Variants in CELF2 observed in about 807,000 individuals in gnomAD.
The protein encoded by CELF2 is CUGBP Elav-like family member 2, also known as CUG triplet repeat RNA-binding protein 2.
CELF2 carries 8 observed loss-of-function variants against 62.6 expected under a neutral mutation model. The observed-to-expected ratio is 0.13, with a 90% confidence interval of 0.07 to 0.23. The LOEUF (loss-of-function observed/expected upper bound fraction) is 0.23, where lower values mean the gene tolerates loss of function less well. Ranked by LOEUF, CELF2 falls within the 10% of genes least tolerant of loss-of-function variation. The pLI is 1.00. For synonymous variants in CELF2, 258 were observed against 250.0 expected (o/e 1.03, Z -0.30); for missense variants, 333 against 671.0 (o/e 0.50, Z 5.56).
chr10:10,689,585 A>G, the CELF2 span, among the ~76,000 whole-genome samples: 5 of 152,210 alleles, frequency 3.3e-5, no homozygotes, highest in African/African-American at 1.2e-4. Flanking sequence ...CATGCAGGCT[A>G]AAGACATGAA....
At chr10:10,920,453 TG>T (rs1258153207) in intron 2 of CELF2, among the ~76,000 whole-genome samples, 5 of 152,210 alleles carry the variant, frequency 3.3e-5, no homozygotes, top group Non-Finnish European at 5.9e-5. Flanking sequence ...ATCATAGTAT[TG>T]ATAGTATAAG....
intron 1 of CELF2, among the ~76,000 whole-genome samples, chr10:11,044,069 C>G (rs1413188586): frequency 6.6e-6 from 1 of 152,178 alleles, no homozygotes; most frequent in East Asian, 1.9e-4. Context: ...TTTGCGTCTT[C>G]ACTTCTTCTA....
intron 2 of CELF2, among the ~76,000 whole-genome samples, chr10:11,170,263 A>G (rs774449911): frequency 1.3e-4 from 20 of 152,340 alleles, no homozygotes; most frequent in Non-Finnish European, 2.9e-4. Flanking sequence ...TTCAGGAAGG[A>G]GTAACAACAC....
the CELF2 span, among the ~76,000 whole-genome samples, chr10:10,741,367 TG>T: frequency 6.6e-6 from 1 of 151,660 alleles, no homozygotes; most frequent in Non-Finnish European, 1.5e-5. Flanking sequence ...AAAAATTAGC[TG>T]GGCGTGGTGG....
chr10:11,259,749 C>T (rs1376050761), intron 5 of CELF2, among the ~76,000 whole-genome samples: 2 of 152,188 alleles, frequency 1.3e-5, no homozygotes, highest in African/African-American at 2.4e-5. Flanking sequence ...TCTAATCACA[C>T]CTGGTGGTCC....
the CELF2 span, among the ~76,000 whole-genome samples, chr10:10,466,846 G>A: frequency 6.6e-6 from 1 of 152,036 alleles, no homozygotes; most frequent in African/African-American, 2.4e-5. Flanking sequence ...TTATGGTAAA[G>A]TATCTGTTCT....
At chr10:10,509,832 T>C in the CELF2 span, among the ~76,000 whole-genome samples, 1 of 152,184 alleles carries the variant, frequency 6.6e-6, no homozygotes, top group East Asian at 1.9e-4. Context: ...TACAGTACAT[T>C]GAGGGTGAAT....
chr10:11,318,263 G>T lies in CELF2; in HGVS notation c.1097-2926G>T. On this transcript the variant is annotated intron_variant, in intron 10 of 12. Coordinates refer to ENST00000633077, the MANE Select transcript of CELF2 (RefSeq NM_001326342.2). This position sits in a 1 kb window ranked among gnomAD's most constrained non-coding sequence, Gnocchi z 5.4. ...TCCCAGATTTTCCACGATAGTTGTG[G>T]TTTAAAATATTCTCAGTGTGCTGGT... 1 of 155,638 alleles carries T rather than the reference G, an allele frequency of 6.4e-6. No homozygotes were observed. Among genetic ancestry groups the T allele is most frequent in the Non-Finnish European group, 1.4e-5 (1 of 70,434 alleles). 9.6% of individuals were successfully genotyped at this position (155,638 alleles called of 1,614,324 possible).
chr10:11,091,746 G>A (rs1038602508), intron 1 of CELF2, among the ~76,000 whole-genome samples: 3 of 152,178 alleles, frequency 2.0e-5, no homozygotes, highest in Non-Finnish European at 4.4e-5. Flanking sequence ...AATGGGGAAA[G>A]GCAAGCAATA....
the CELF2 span, among the ~76,000 whole-genome samples, chr10:10,741,882 TACA>T: frequency 6.6e-6 from 1 of 152,352 alleles, no homozygotes; most frequent in South Asian, 2.1e-4. Flanking sequence ...GGTTCTTGTC[TACA>T]ACAATTGTTA....
At chr10:11,289,681 A>G (rs1212664547) in intron 9 of CELF2, among the ~76,000 whole-genome samples, 2 of 152,190 alleles carry the variant, frequency 1.3e-5, no homozygotes, top group Admixed American at 1.3e-4. Context: ...GTCTTCAAAA[A>G]CATACCGTTA....
Position 11,018,086 on chromosome 10 carries a change from G to A in CELF2, c.-4G>A. ...CGCCGCTGCCGCCGCGTGCGCCCGC[G>A]AACATGACTTCTGCCTTCAAGCTGG... On this transcript the variant is annotated 5_prime_UTR_variant, in exon 1 of 13. Coordinates refer to ENST00000633077, the MANE Select transcript of CELF2 (RefSeq NM_001326342.2). 3.4e-6 allele frequency: 5 copies of A among 1,471,656 alleles called. No homozygotes were observed. The highest frequency in any genetic ancestry group is 4.5e-6 in the Non-Finnish European group (5 of 1,100,534). 91.2% of individuals were successfully genotyped at this position (1,471,656 alleles called of 1,614,324 possible).
chr10:10,785,827 G>T, the CELF2 span, among the ~76,000 whole-genome samples: 1 of 152,146 alleles, frequency 6.6e-6, no homozygotes, highest in African/African-American at 2.4e-5. Context: ...TGACTATATA[G>T]TAAATGTATT....
chr10:10,585,202 G>A, the CELF2 span, among the ~76,000 whole-genome samples: 1 of 152,180 alleles, frequency 6.6e-6, no homozygotes, highest in African/African-American at 2.4e-5. Flanking sequence ...TGGAGGGTTA[G>A]AGAATTCCCA....
At chr10:10,506,563 G>A in the CELF2 span, among the ~76,000 whole-genome samples, 1 of 149,920 alleles carries the variant, frequency 6.7e-6, no homozygotes, top group African/African-American at 2.4e-5. Context: ...AGAGGCTCTA[G>A]AACTTGTAGG....
At chr10:10,920,401 G>A (rs988206960) in intron 2 of CELF2, among the ~76,000 whole-genome samples, 4 of 152,132 alleles carry the variant, frequency 2.6e-5, no homozygotes, top group Non-Finnish European at 4.4e-5. Flanking sequence ...CAGGGACTTA[G>A]AGATTTATGA....
the CELF2 span, among the ~76,000 whole-genome samples, chr10:10,513,672 G>A: frequency 1.3e-5 from 2 of 151,894 alleles, no homozygotes; most frequent in Admixed American, 6.6e-5. Context: ...TAATCCAAAA[G>A]GTGTATCTTA....
At chr10:10,563,671 G>A in the CELF2 span, among the ~76,000 whole-genome samples, 2 of 151,922 alleles carry the variant, frequency 1.3e-5, no homozygotes, top group South Asian at 2.1e-4. Flanking sequence ...CTGATGGCGG[G>A]GTGGGATTCC....
chr10:10,940,671 T>G (rs966193117), intron 2 of CELF2, among the ~76,000 whole-genome samples: 9 of 152,202 alleles, frequency 5.9e-5, no homozygotes, highest in African/African-American at 2.2e-4. Context: ...CTTTCCTTTA[T>G]TATTCTGGTA....
Sources: gnomAD v4.1 joint callset for allele counts (sites outside exome capture counted in the v4.1 genomes callset) on GRCh38, gnomAD v4.1.1 for gene constraint, Gnocchi (gnomAD v3.1) non-coding constraint, MANE v1.5 for transcripts, NCBI Gene and HGNC (gene_info 2026-07-23, HGNC 2026-07-21) for gene names.